The following AUTS2 variants were observed in gnomAD, a reference collection of about 807,000 sequenced individuals.
AUTS2 encodes autism susceptibility gene 2 protein.
A neutral mutation model predicts 112.4 loss-of-function variants in AUTS2; 17 were observed. The ratio of observed to expected loss-of-function variants is 0.15; its 90% CI spans 0.10 to 0.23. The LOEUF (loss-of-function observed/expected upper bound fraction) is 0.23. AUTS2 is among the 10% of genes least tolerant of loss of function. AUTS2 has a pLI of 1.00. For missense variants in AUTS2, 1,510 were observed against 1,701.6 expected, an observed-to-expected ratio of 0.89 and a Z score of 1.98; for synonymous variants, 751 against 702.7, an observed-to-expected ratio of 1.07 and a Z score of -1.09.
intron 2 of AUTS2, among the ~76,000 whole-genome samples, chr7:70,079,768 T>G (rs1320467436): frequency 6.6e-6 from 1 of 152,162 alleles, no homozygotes; most frequent in Non-Finnish European, 1.5e-5. Flanking sequence ...AAACAGGATG[T>G]CTTATTCTGT....
At chr7:70,716,593 C>A (rs575553200) in intron 6 of AUTS2, among the ~76,000 whole-genome samples, 1 of 137,386 alleles carries the variant, frequency 7.3e-6, no homozygotes, top group Non-Finnish European at 1.5e-5. Context: ...GCCTAGATGG[C>A]GCCACTGCAC....
intron 4 of AUTS2, among the ~76,000 whole-genome samples, chr7:70,381,667 A>G (rs1450856875): frequency 6.6e-6 from 1 of 152,226 alleles, no homozygotes; most frequent in Non-Finnish European, 1.5e-5. Context: ...TAAAACAGAC[A>G]TTAAGAAAAT....
chr7:70,473,081 A>G (rs1348475244), intron 5 of AUTS2, among the ~76,000 whole-genome samples: 2 of 152,130 alleles, frequency 1.3e-5, no homozygotes, highest in African/African-American at 4.8e-5. Context: ...TCAGGCATAG[A>G]CTTCTCTGTT....
chr7:69,827,706 G>C (rs950511534), intron 1 of AUTS2, among the ~76,000 whole-genome samples: 3 of 152,196 alleles, frequency 2.0e-5, no homozygotes, highest in African/African-American at 4.8e-5. Context: ...GTTGGCATCA[G>C]AAGGGGCATT....
At chr7:70,387,865 G>A (rs985512949) in intron 4 of AUTS2, among the ~76,000 whole-genome samples, 2 of 152,042 alleles carry the variant, frequency 1.3e-5, no homozygotes, top group African/African-American at 4.8e-5. Context: ...CATCTTCTAC[G>A]TTACGGCCAG....
chr7:69,978,538 G>A (rs1798150772), intron 2 of AUTS2, among the ~76,000 whole-genome samples: 1 of 152,068 alleles, frequency 6.6e-6, no homozygotes, highest in South Asian at 2.1e-4. Context: ...ACCATTCTTA[G>A]ATCATTATAA....
At chr7:70,658,346 C>T (rs1806888225) in intron 5 of AUTS2, among the ~76,000 whole-genome samples, 1 of 152,244 alleles carries the variant, frequency 6.6e-6, no homozygotes, top group South Asian at 2.1e-4. Context: ...CAACACCACA[C>T]TTGCACATGC....
At chr7:70,636,602 C>T (rs908782819) in intron 5 of AUTS2, among the ~76,000 whole-genome samples, 1 of 151,956 alleles carries the variant, frequency 6.6e-6, no homozygotes, top group African/African-American at 2.4e-5. Flanking sequence ...ACATCATCTC[C>T]GTGGATTTTG....
rs567382816 is a variant in AUTS2 at position 70,754,935 on chromosome 7, G to A, written c.743-7935G>A. The stretch of plus-strand genomic sequence containing the variant: ...TTAGTAAGTCCTGTTAGGAGACTTC[G>A]TAACAGAATATGAAGATGTGAAGAC... On this transcript the variant is annotated intron_variant, in intron 6 of 18. Coordinates refer to ENST00000342771, the MANE Select transcript of AUTS2 (RefSeq NM_015570.4). Among the ~76,000 whole-genome samples the A allele has an allele frequency of 2.6e-5, 4 of 152,070 alleles. No individual in the cohort carries two copies. The East Asian group carries it at 5.8e-4, about 22-fold the overall frequency.
chr7:70,457,485 C>T (rs139060763), intron 5 of AUTS2, among the ~76,000 whole-genome samples: 3 of 152,272 alleles, frequency 2.0e-5, no homozygotes, highest in African/African-American at 7.2e-5. Context: ...CTGAATCCAC[C>T]AGGAAACCCA....
intron 2 of AUTS2, among the ~76,000 whole-genome samples, chr7:69,919,991 T>C (rs1795744335): frequency 6.7e-6 from 1 of 149,498 alleles, no homozygotes; most frequent in South Asian, 2.1e-4. Context: ...GTAAATGAAG[T>C]GGTCTTATGT....
intron 1 of AUTS2, among the ~76,000 whole-genome samples, chr7:69,677,061 A>G (rs1374467423): frequency 6.6e-6 from 1 of 152,164 alleles, no homozygotes; most frequent in African/African-American, 2.4e-5. Context: ...AATCTAATCT[A>G]TTTGGATGTC....
chr7:69,928,381 G>A lies in AUTS2; in HGVS notation c.522+28883G>A, dbSNP rs919035622. Among the ~76,000 whole-genome samples the A allele has an allele frequency of 5.3e-5, 8 of 152,190 alleles. No homozygotes were observed. In the South Asian group the frequency reaches 6.2e-4, roughly 12 times the overall value. Reference sequence around the variant, plus strand: ...TGCCTTGAAGGTGGGATTTCACTGCGGACCCACCCTTTCCTGCCTTGGGAC... The same window carrying A: ...TGCCTTGAAGGTGGGATTTCACTGCAGACCCACCCTTTCCTGCCTTGGGAC... On this transcript the variant is annotated intron_variant, in intron 2 of 18. Transcript: ENST00000342771.
chr7:70,590,345 C>G (rs997500040), intron 5 of AUTS2, among the ~76,000 whole-genome samples: 1 of 152,118 alleles, frequency 6.6e-6, no homozygotes, highest in Non-Finnish European at 1.5e-5. Context: ...AGTTCACGGG[C>G]TGGTGACGGA....
chr7:69,942,395 T>C (rs950433281), intron 2 of AUTS2, among the ~76,000 whole-genome samples: 18 of 152,194 alleles, frequency 1.2e-4, no homozygotes, highest in African/African-American at 3.6e-4. Context: ...TTTGACAGGT[T>C]TTCACCTAAG....
intron 4 of AUTS2, among the ~76,000 whole-genome samples, chr7:70,360,627 T>C (rs771884429): frequency 6.6e-6 from 1 of 152,178 alleles, no homozygotes; most frequent in Non-Finnish European, 1.5e-5. Context: ...GGGACTAATT[T>C]TACATAATCT....
intron 5 of AUTS2, among the ~76,000 whole-genome samples, chr7:70,454,718 G>C (rs1393894268): frequency 6.6e-6 from 1 of 152,108 alleles, no homozygotes. Context: ...TTCTAACTCT[G>C]CCTATCTCTG....
chr7:69,860,729 T>C (rs908017682), intron 1 of AUTS2, among the ~76,000 whole-genome samples: 2 of 152,186 alleles, frequency 1.3e-5, no homozygotes, highest in African/African-American at 4.8e-5. Context: ...GCTCTCTAAT[T>C]ATGCCAATGC....
chr7:70,215,039 C>G (rs1452931839), intron 4 of AUTS2, among the ~76,000 whole-genome samples: 2 of 152,214 alleles, frequency 1.3e-5, no homozygotes, highest in African/African-American at 4.8e-5. Context: ...AATGCCAGCA[C>G]TTTGAGCAAG....
Sources: gnomAD v4.1 joint callset for allele counts (sites outside exome capture counted in the v4.1 genomes callset) on GRCh38, gnomAD v4.1.1 for gene constraint, MANE v1.5 for transcripts, NCBI Gene and HGNC (gene_info 2026-07-23, HGNC 2026-07-21) for gene names.